PSPC1: variants seen among roughly 807,000 people sequenced by gnomAD.
PSPC1 encodes paraspeckle component 1.
PSPC1 carries 14 observed loss-of-function variants against 51.6 expected under a neutral mutation model. The ratio of observed to expected loss-of-function variants is 0.27; its 90% confidence interval spans 0.18 to 0.42. PSPC1 has a LOEUF of 0.42. Ranked by LOEUF, PSPC1 falls within the 10% of genes least tolerant of loss-of-function variation. PSPC1 has a pLI of 1.00. For synonymous variants in PSPC1, 193 were observed against 231.9 expected (o/e 0.83, Z 1.53); for missense variants, 406 against 701.1 (o/e 0.58, Z 4.75).
chr13:19,737,315 T>C (rs1418217475), intron 5 of PSPC1: 1 of 152,186 alleles, frequency 6.6e-6, no homozygotes, highest in Non-Finnish European at 1.5e-5. Context: ...CATTTAGTCG[T>C]TATTTCTCCT....
rs1323514987 is a variant in PSPC1, at chr13:19,713,009, A to G, written c.1159-3410T>C. Among the ~76,000 whole-genome samples the G allele has an allele frequency of 3.9e-4, 59 of 152,320 alleles. 1 individual carries two copies. Among genetic ancestry groups the G allele is most frequent in the South Asian group, 2.7e-3 (13 of 4,828 alleles). On this transcript the variant is annotated intron_variant, in intron 6 of 8. Transcript: ENST00000338910. Reference sequence around the variant, plus strand: ...AGGATGATTTTGTAAAATGAAATACAGCATTCTTCACTAACACTAAATCTA... The same window carrying G: ...AGGATGATTTTGTAAAATGAAATACGGCATTCTTCACTAACACTAAATCTA...
At chr13:19,756,054 T>C (rs954849073) in intron 3 of PSPC1, among the ~76,000 whole-genome samples, 2 of 152,066 alleles carry the variant, frequency 1.3e-5, no homozygotes, top group South Asian at 2.1e-4. Flanking sequence ...CTGGCCATTA[T>C]GGTAAAACCC....
At chr13:19,724,949 A>T (rs1312265188) in intron 6 of PSPC1, among the ~76,000 whole-genome samples, 3 of 152,056 alleles carry the variant, frequency 2.0e-5, no homozygotes, top group Non-Finnish European at 2.9e-5. Context: ...GAGTGGGCCG[A>T]AATCATGTCA....
chr13:19,680,692 C>T (rs1463339752), intron 6 of PSPC1, among the ~76,000 whole-genome samples: 1 of 152,194 alleles, frequency 6.6e-6, no homozygotes, highest in Non-Finnish European at 1.5e-5. Context: ...AACTATATGA[C>T]ACCATCTTGA....
intron 4 of PSPC1, among the ~76,000 whole-genome samples, chr13:19,749,637 C>CTTTT (rs59422281): frequency 7.2e-6 from 1 of 138,318 alleles, no homozygotes; most frequent in Non-Finnish European, 1.5e-5. Flanking sequence ...GACAGTTTAT[C>CTTTT]TTTTTTTTTT....
At chr13:19,740,877 T>TC (rs1427969418) in intron 5 of PSPC1, among the ~76,000 whole-genome samples, 5 of 149,130 alleles carry the variant, frequency 3.4e-5, no homozygotes, top group Admixed American at 2.0e-4. Flanking sequence ...CTTCCAGAAA[T>TC]CTTTTTTTTT....
downstream of PSPC1, chr13:19,673,168 TA>T (rs1342052229): frequency 2.2e-6 from 1 of 451,706 alleles, no homozygotes; most frequent in Non-Finnish European, 4.4e-6. Flanking sequence ...GGGGCTTAGG[TA>T]ACAGCCAAAC....
At chr13:19,683,825 T>G (rs957323675) in intron 6 of PSPC1, among the ~76,000 whole-genome samples, 1 of 152,162 alleles carries the variant, frequency 6.6e-6, no homozygotes, top group African/African-American at 2.4e-5. Context: ...GAAAAAAATA[T>G]ATATGTATAT....
At chr13:19,682,843 C>G (rs1877423288) in intron 6 of PSPC1, among the ~76,000 whole-genome samples, 1 of 151,846 alleles carries the variant, frequency 6.6e-6, no homozygotes, top group African/African-American at 2.4e-5. Flanking sequence ...GGGAGAATCA[C>G]TTGAGCCCAG....
intron 6 of PSPC1, among the ~76,000 whole-genome samples, chr13:19,714,695 A>G (rs927575817): frequency 6.6e-6 from 1 of 151,978 alleles, no homozygotes; most frequent in South Asian, 2.1e-4. Context: ...GGGTTTTACC[A>G]TGTTACTTGG....
intron 6 of PSPC1, among the ~76,000 whole-genome samples, chr13:19,728,658 T>G (rs1883672254): frequency 6.6e-6 from 1 of 152,162 alleles, no homozygotes; most frequent in Admixed American, 6.6e-5. Context: ...CTTTTAGTGC[T>G]TAAGTTTGCA....
intron 6 of PSPC1, among the ~76,000 whole-genome samples, chr13:19,691,323 C>T (rs1482341829): frequency 6.6e-6 from 1 of 152,062 alleles, no homozygotes; most frequent in East Asian, 1.9e-4. Flanking sequence ...GAGTTTGAGA[C>T]CAGCCTGGGA....
chr13:19,683,315 GAT>G (rs1877492950), intron 6 of PSPC1, among the ~76,000 whole-genome samples: 1 of 152,160 alleles, frequency 6.6e-6, no homozygotes, highest in African/African-American at 2.4e-5. Context: ...TTCATTTAAA[GAT>G]ATGTCATTGA....
chr13:19,729,558 A>T (rs889772302), intron 6 of PSPC1, among the ~76,000 whole-genome samples: 1 of 151,776 alleles, frequency 6.6e-6, no homozygotes, highest in Non-Finnish European at 1.5e-5. Context: ...AAAGGTTACT[A>T]AAATATTAAA....
chr13:19,741,873 T>C (rs528239020), intron 4 of PSPC1, among the ~76,000 whole-genome samples: 1 of 152,340 alleles, frequency 6.6e-6, no homozygotes, highest in East Asian at 1.9e-4. Flanking sequence ...GGCCCACGCC[T>C]ACAATCCCAG....
chr13:19,698,331 A>G (rs1365984453), downstream of PSPC1, among the ~76,000 whole-genome samples: 3 of 152,026 alleles, frequency 2.0e-5, no homozygotes, highest in Non-Finnish European at 2.9e-5. Context: ...AATTTAGATT[A>G]AGGTATCTAT....
chr13:19,678,545 T>C (rs2137575667), intron 6 of PSPC1: 1 of 152,318 alleles, frequency 6.6e-6, no homozygotes, highest in East Asian at 1.9e-4. Context: ...TTGGAAATCA[T>C]TACCCTAGAT....
intron 5 of PSPC1, among the ~76,000 whole-genome samples, chr13:19,733,471 T>C (rs907623161): frequency 2.0e-5 from 3 of 151,910 alleles, no homozygotes; most frequent in African/African-American, 7.3e-5. Flanking sequence ...ATAGAAAATA[T>C]TAGCCACGGC....
chr13:19,713,390 C>A (rs1881680205), intron 6 of PSPC1, among the ~76,000 whole-genome samples: 1 of 151,778 alleles, frequency 6.6e-6, no homozygotes, highest in Non-Finnish European at 1.5e-5. Flanking sequence ...AACTGAGGCA[C>A]AAAGCTGTTG....
Sources: allele counts gnomAD v4.1 joint callset (sites outside exome capture counted in the v4.1 genomes callset), GRCh38; gene constraint gnomAD v4.1.1; transcripts MANE v1.5; gene names NCBI Gene and HGNC (gene_info 2026-07-23, HGNC 2026-07-21).